TLL1: variants seen among roughly 807,000 people sequenced by gnomAD.
TLL1 encodes tolloid like 1, also known as tolloid-like protein 1.
A neutral mutation model predicts 128.2 loss-of-function variants in TLL1; 49 were observed. The observed-to-expected ratio is 0.38, with a 90% CI of 0.30 to 0.48. TLL1 has a LOEUF of 0.48. Among genes scored for constraint, TLL1 ranks in the 20% least tolerant of loss-of-function variants. TLL1 has a pLI of 0.96. For synonymous variants in TLL1, 454 were observed against 418.8 expected (o/e 1.08, Z -1.03); for missense variants, 1,123 against 1,242.0 (o/e 0.90, Z 1.44).
At chr4:166,057,620 G>C (rs1174856415) in intron 14 of TLL1, among the ~76,000 whole-genome samples, 1 of 152,066 alleles carries the variant, frequency 6.6e-6, no homozygotes, top group Non-Finnish European at 1.5e-5. Context: ...ACATACCCAA[G>C]ACTGGGTAAT....
chr4:166,071,546 AT>A (rs1740806815), intron 16 of TLL1, among the ~76,000 whole-genome samples: 1 of 151,972 alleles, frequency 6.6e-6, no homozygotes. Flanking sequence ...ATGCCAGAAA[AT>A]TTCAAATAAA....
chr4:166,015,368 A>C (rs1022573522), intron 8 of TLL1, among the ~76,000 whole-genome samples: 3 of 152,074 alleles, frequency 2.0e-5, no homozygotes, highest in African/African-American at 7.2e-5. Flanking sequence ...TTGCAGATAC[A>C]ATAAAACAAT....
intron 1 of TLL1, among the ~76,000 whole-genome samples, chr4:165,961,407 C>G (rs1298087614): frequency 6.6e-6 from 1 of 152,086 alleles, no homozygotes; most frequent in African/African-American, 2.4e-5. Flanking sequence ...AAGTAATTTA[C>G]AGATTCAGCA....
At chr4:166,058,120 TTATC>T (rs1435335805) in intron 14 of TLL1, among the ~76,000 whole-genome samples, 1 of 152,118 alleles carries the variant, frequency 6.6e-6, no homozygotes, top group Non-Finnish European at 1.5e-5. Context: ...ATCTAGATTT[TTATC>T]TATCCATCCT....
At chr4:165,896,412 T>C (rs1009056307) in intron 1 of TLL1, among the ~76,000 whole-genome samples, 5 of 151,992 alleles carry the variant, frequency 3.3e-5, no homozygotes, top group Non-Finnish European at 5.9e-5. Flanking sequence ...TGTGTCTTTA[T>C]AGTAGAATGA....
chr4:165,947,274 C>G (rs79522007), intron 1 of TLL1, among the ~76,000 whole-genome samples: 2 of 152,052 alleles, frequency 1.3e-5, no homozygotes, highest in East Asian at 3.9e-4. Flanking sequence ...AAATCAAGAC[C>G]CCATCCTTAA....
In TLL1 at chr4:166,074,957, C is replaced by T. The variant is rs1046315725; in HGVS notation, c.2268C>T (p.Cys756=). 6.2e-7 allele frequency: 1 copy of T among 1,613,464 alleles called. No homozygotes were observed. Among genetic ancestry groups the T allele is most frequent in the African/African-American group, 1.3e-5 (1 of 74,870 alleles). The change falls in exon 17 of 21, where the codon TGC becomes TGT. Residue 756 remains cysteine, a synonymous_variant. Coordinates refer to ENST00000061240, the MANE Select transcript of TLL1 (RefSeq NM_012464.5). The stretch of plus-strand genomic sequence containing the variant: ...CGATGGGGAGCTACATGTGTCAATG[C>T]CGTAATGGATTTGTGCTACATGACA... ...VNTMGSYMCQ[C]RNGFVLHDNK...
intron 1 of TLL1, among the ~76,000 whole-genome samples, chr4:165,976,344 GA>G (rs1465016791): frequency 6.6e-6 from 1 of 152,146 alleles, no homozygotes; most frequent in Non-Finnish European, 1.5e-5. Flanking sequence ...ATTTGTTAAA[GA>G]AATACAGTCT....
At chr4:165,930,117 C>CA (rs1158355334) in intron 1 of TLL1, among the ~76,000 whole-genome samples, 1 of 152,098 alleles carries the variant, frequency 6.6e-6, no homozygotes, top group Non-Finnish European at 1.5e-5. Context: ...TAAGCCCATA[C>CA]TTTTTAATCT....
chr4:165,987,687 C>T (rs1736450571), intron 1 of TLL1, among the ~76,000 whole-genome samples: 1 of 152,056 alleles, frequency 6.6e-6, no homozygotes, highest in South Asian at 2.1e-4. Flanking sequence ...TTCTTCCTTT[C>T]TAGATTCCCA....
At chr4:166,037,931 A>T (rs999171855) in intron 9 of TLL1, among the ~76,000 whole-genome samples, 1 of 152,138 alleles carries the variant, frequency 6.6e-6, no homozygotes, top group Non-Finnish European at 1.5e-5. Flanking sequence ...ATGTTAGTCT[A>T]TATGGATATT....
At chr4:166,036,689 A>C (rs1283277443) in intron 9 of TLL1, among the ~76,000 whole-genome samples, 1 of 151,928 alleles carries the variant, frequency 6.6e-6, no homozygotes, top group East Asian at 1.9e-4. Flanking sequence ...GTTTTATGTT[A>C]ATGTCAGGCC....
chr4:165,988,256 T>C (rs903708158), intron 1 of TLL1, among the ~76,000 whole-genome samples: 3 of 152,120 alleles, frequency 2.0e-5, no homozygotes, highest in Non-Finnish European at 2.9e-5. Flanking sequence ...AACTCTCCCA[T>C]GGTTTCACAA....
intron 18 of TLL1, among the ~76,000 whole-genome samples, chr4:166,087,792 AG>A (rs1741591720): frequency 6.6e-6 from 1 of 152,154 alleles, no homozygotes; most frequent in East Asian, 1.9e-4. Context: ...CAGGTAGATT[AG>A]GCTTGCTTGG....
At chr4:165,987,349 T>C (rs1056583432) in intron 1 of TLL1, among the ~76,000 whole-genome samples, 10 of 152,116 alleles carry the variant, frequency 6.6e-5, no homozygotes, top group African/African-American at 2.4e-4. Flanking sequence ...ATTGGCAAAA[T>C]ATTTAACTTG....
At chr4:165,917,154 A>T (rs955152941) in intron 1 of TLL1, among the ~76,000 whole-genome samples, 1 of 152,118 alleles carries the variant, frequency 6.6e-6, no homozygotes, top group Non-Finnish European at 1.5e-5. Context: ...AATGAAGGTA[A>T]CATCTTAGAA....
intron 1 of TLL1, among the ~76,000 whole-genome samples, chr4:165,973,600 AT>A (rs1216565111): frequency 6.6e-6 from 1 of 151,130 alleles, no homozygotes; most frequent in Non-Finnish European, 1.5e-5. Context: ...TGAGGGGTGC[AT>A]TTTGTCTTTC....
At chr4:166,025,456 A>G in intron 9 of TLL1, 25 bp downstream of exon 9, 1 of 1,508,092 alleles carries the variant, frequency 6.6e-7, no homozygotes, top group Non-Finnish European at 9.2e-7. Context: ...CAAGCCCACT[A>G]TTTTATTCTT....
intron 1 of TLL1, among the ~76,000 whole-genome samples, chr4:165,949,996 T>A (rs72972254): frequency 7.9e-5 from 12 of 152,094 alleles, no homozygotes; most frequent in Non-Finnish European, 1.6e-4. Context: ...AGATTGGATA[T>A]AAAAGAAAGG....
Sources: gnomAD v4.1 joint callset for allele counts (sites outside exome capture counted in the v4.1 genomes callset) on GRCh38, gnomAD v4.1.1 for gene constraint, MANE v1.5 for transcripts, NCBI Gene and HGNC (gene_info 2026-07-23, HGNC 2026-07-21) for gene names.